ATXN1: variants seen among roughly 807,000 people sequenced by gnomAD.
ATXN1 encodes ataxin-1.
In ATXN1, 8 loss-of-function variants were observed where a neutral mutation model predicts 56.4. That is an observed-to-expected ratio of 0.14 (90% CI 0.08 to 0.26). ATXN1 has a LOEUF of 0.26. Among genes scored for constraint, ATXN1 ranks in the 10% least tolerant of loss-of-function variants. ATXN1 has a pLI of 1.00. For synonymous variants in ATXN1, 514 were observed against 494.6 expected (o/e 1.04, Z -0.52); for missense variants, 987 against 1,106.5 (o/e 0.89, Z 1.53).
At chr6:16,549,518 C>G (rs1325202938) in intron 4 of ATXN1, among the ~76,000 whole-genome samples, 2 of 152,182 alleles carry the variant, frequency 1.3e-5, no homozygotes, top group African/African-American at 4.8e-5. Flanking sequence ...GAAGCGGAAC[C>G]AGCTCCCATA....
intron 4 of ATXN1, among the ~76,000 whole-genome samples, chr6:16,527,526 C>T (rs143245440): frequency 6.6e-6 from 1 of 152,270 alleles, no homozygotes; most frequent in African/African-American, 2.4e-5. Context: ...AGAGTCTGAT[C>T]TGTGAAACCA....
At position 16,586,942 on chromosome 6, in the gene ATXN1, C is replaced by T. The variant is rs560819927; in HGVS notation, c.-488-1035G>A. On this transcript the variant is annotated intron_variant, in intron 3 of 7. Coordinates refer to ENST00000436367, the MANE Select transcript of ATXN1 (RefSeq NM_001128164.2). ...GCTGAGGCAGGAGAATCACTTGAAC[C>T]GGAAGGCAGAGTTTGCAGTGAGCTG... is the stretch of plus-strand genomic sequence containing the variant. 5.9e-5 allele frequency among the ~76,000 whole-genome samples: 9 copies of T among 152,002 alleles called. No homozygotes were observed. In the South Asian group the frequency reaches 1.5e-3, roughly 25 times the overall value.
At chr6:16,497,788 A>T (rs1446139557) in intron 5 of ATXN1, among the ~76,000 whole-genome samples, 1 of 152,216 alleles carries the variant, frequency 6.6e-6, no homozygotes, top group East Asian at 1.9e-4. Flanking sequence ...TTTCCAGGTC[A>T]GGTGTAGAAT....
chr6:16,715,146 C>A (rs1389576685), intron 2 of ATXN1, among the ~76,000 whole-genome samples: 1 of 152,126 alleles, frequency 6.6e-6, no homozygotes, highest in Non-Finnish European at 1.5e-5. Flanking sequence ...TGGGTCAAAT[C>A]TAAAATACAT....
intron 3 of ATXN1, among the ~76,000 whole-genome samples, chr6:16,628,837 G>A (rs535006695): frequency 6.6e-6 from 1 of 152,248 alleles, no homozygotes; most frequent in Non-Finnish European, 1.5e-5. Flanking sequence ...ATGGTAATAT[G>A]TACCACATTT....
chr6:16,316,120 G>A lies in ATXN1; in HGVS notation c.1918-9261C>T, dbSNP rs138578377. On this transcript the variant is annotated intron_variant, in intron 7 of 7. Coordinates refer to ENST00000436367, the MANE Select transcript of ATXN1 (RefSeq NM_001128164.2). Reference sequence around the variant, plus strand: ...AGCTCCGCCTCCTGTCAGATCAGTCGCAAGCATTAGATTCTCATAGGAGCG... The same window carrying A: ...AGCTCCGCCTCCTGTCAGATCAGTCACAAGCATTAGATTCTCATAGGAGCG... Among the ~76,000 whole-genome samples the A allele has an allele frequency of 2.8e-4, 42 of 152,304 alleles. 1 individual carries two copies. Among genetic ancestry groups the A allele is most frequent in the African/African-American group, 9.1e-4 (38 of 41,564 alleles).
intron 6 of ATXN1, among the ~76,000 whole-genome samples, chr6:16,352,622 C>A (rs924399190): frequency 1.1e-4 from 17 of 152,162 alleles, no homozygotes; most frequent in African/African-American, 4.1e-4. Flanking sequence ...ATCGAGGGCT[C>A]CCTTTGTGGC....
chr6:16,628,856 C>T (rs1763454291), intron 3 of ATXN1, among the ~76,000 whole-genome samples: 1 of 151,892 alleles, frequency 6.6e-6, no homozygotes, highest in South Asian at 2.1e-4. Flanking sequence ...TTTTTTTGTC[C>T]AATCTGTCAT....
At chr6:16,509,477 C>T (rs1761039013) in intron 5 of ATXN1, among the ~76,000 whole-genome samples, 1 of 152,170 alleles carries the variant, frequency 6.6e-6, no homozygotes, top group Admixed American at 6.5e-5. Flanking sequence ...CAAAAGCATT[C>T]GATAGCTCAT....
intron 2 of ATXN1, among the ~76,000 whole-genome samples, chr6:16,721,571 GA>G (rs1410458515): frequency 6.6e-6 from 1 of 152,154 alleles, no homozygotes. Flanking sequence ...AGGCTGCAGT[GA>G]GCTATGATCA....
At chr6:16,725,024 GT>G (rs142974694) in intron 2 of ATXN1, among the ~76,000 whole-genome samples, 189 of 152,276 alleles carry the variant, frequency 1.2e-3, no homozygotes, top group East Asian at 5.2e-3. Flanking sequence ...TGTCAAACCT[GT>G]TAAACTAAAT....
chr6:16,588,772 A>C (rs1053074775), intron 3 of ATXN1, among the ~76,000 whole-genome samples: 3 of 152,208 alleles, frequency 2.0e-5, no homozygotes, highest in Non-Finnish European at 4.4e-5. Context: ...CTGAGTGAAT[A>C]AATGAGCCAA....
chr6:16,750,379 A>T (rs1036074666), intron 2 of ATXN1, among the ~76,000 whole-genome samples: 2 of 152,240 alleles, frequency 1.3e-5, no homozygotes, highest in African/African-American at 4.8e-5. Context: ...CTATAGCTGT[A>T]TCATATTTAT....
At chr6:16,655,445 G>C (rs1561795321) in intron 3 of ATXN1, among the ~76,000 whole-genome samples, 1 of 152,158 alleles carries the variant, frequency 6.6e-6, no homozygotes, top group Non-Finnish European at 1.5e-5. Flanking sequence ...CCCTGAAGCT[G>C]TGTGTACCCC....
At chr6:16,491,817 G>A (rs1760671471) in intron 5 of ATXN1, among the ~76,000 whole-genome samples, 1 of 152,118 alleles carries the variant, frequency 6.6e-6, no homozygotes, top group Admixed American at 6.5e-5. Flanking sequence ...CTAATTAAGA[G>A]AACCCTAAAA....
chr6:16,418,274 G>A (rs545306358), intron 6 of ATXN1, among the ~76,000 whole-genome samples: 1 of 152,262 alleles, frequency 6.6e-6, no homozygotes, highest in South Asian at 2.1e-4. Context: ...TGTACAATTA[G>A]TCCCTTCCTC....
chr6:16,447,087 TGCTTATCACTAGAA>T (rs958298244), intron 6 of ATXN1, among the ~76,000 whole-genome samples: 4 of 152,216 alleles, frequency 2.6e-5, no homozygotes, highest in Non-Finnish European at 5.9e-5. Context: ...CTAATGATAG[TGCTTATCACTAGAA>T]GCCAGAGGCT....
At chr6:16,643,647 A>AAG (rs1554122660) in intron 3 of ATXN1, among the ~76,000 whole-genome samples, 2 of 151,344 alleles carry the variant, frequency 1.3e-5, no homozygotes, top group East Asian at 1.9e-4. Flanking sequence ...AAAAAAAAAA[A>AAG]AGAGAAGAGA....
chr6:16,366,140 T>C (rs566978352), intron 6 of ATXN1, among the ~76,000 whole-genome samples: 1 of 152,238 alleles, frequency 6.6e-6, no homozygotes, highest in East Asian at 1.9e-4. Context: ...GAGGCTTTGG[T>C]GATATATGGA....
Sources: gnomAD v4.1 joint callset for allele counts (sites outside exome capture counted in the v4.1 genomes callset) on GRCh38, gnomAD v4.1.1 for gene constraint, MANE v1.5 for transcripts, NCBI Gene and HGNC (gene_info 2026-07-23, HGNC 2026-07-21) for gene names.